Variants in MAP2K5 observed in about 807,000 individuals in gnomAD.
MAP2K5 encodes mitogen-activated protein kinase kinase 5, also known as dual specificity mitogen-activated protein kinase kinase 5.
A neutral mutation model predicts 83.1 loss-of-function variants in MAP2K5; 49 were observed. That is an observed-to-expected ratio of 0.59 (90% CI 0.47 to 0.75). The LOEUF is 0.75. Among genes scored for constraint, MAP2K5 ranks in the 30% least tolerant of loss-of-function variants. The pLI is 0.00. For synonymous variants in MAP2K5, 202 were observed against 191.8 expected (o/e 1.05, Z -0.44); for missense variants, 457 against 557.5 (o/e 0.82, Z 1.82).
At chr15:67,672,094 G>A (rs1043517755) in intron 13 of MAP2K5, among the ~76,000 whole-genome samples, 6 of 151,884 alleles carry the variant, frequency 4.0e-5, no homozygotes, top group African/African-American at 1.5e-4. Context: ...CCAAGTCTTT[G>A]CTATTGTGAA....
Position 67,552,368 on chromosome 15 carries a change from C to CTGG in MAP2K5, c.184+2286_184+2287insTGG, listed in dbSNP as rs766834411. 3.9e-5 allele frequency among the ~76,000 whole-genome samples: 6 copies of CTGG among 152,172 alleles called. No individual in the cohort carries two copies. The highest frequency in any genetic ancestry group is 8.8e-5 in the Non-Finnish European group (6 of 68,036). ...TAACATTCGGAGTACTTACTGTTGACAGATGCTTTGCTAAGAGCATTCCAT... is the reference window on the plus strand; with the variant it reads ...TAACATTCGGAGTACTTACTGTTGACTGGAGATGCTTTGCTAAGAGCATTCCAT... On this transcript the variant is annotated intron_variant, in intron 2 of 21. Transcript: ENST00000178640. This position sits in a 1 kb window ranked among gnomAD's most constrained non-coding sequence, Gnocchi z 4.2.
chr15:67,713,018 A>C (rs2088731552), intron 16 of MAP2K5, among the ~76,000 whole-genome samples: 1 of 152,228 alleles, frequency 6.6e-6, no homozygotes, highest in South Asian at 2.1e-4. Context: ...GAAAGAACAG[A>C]GGAAACAAAG....
At chr15:67,549,394 A>T (rs977714531) in intron 1 of MAP2K5, among the ~76,000 whole-genome samples, 7 of 152,202 alleles carry the variant, frequency 4.6e-5, no homozygotes, top group Non-Finnish European at 7.3e-5. Flanking sequence ...GTAAAGGTTG[A>T]TAAGAACTGT....
chr15:67,785,094 GAAC>G lies in MAP2K5; in HGVS notation c.1242+12347_1242+12349del, dbSNP rs2141323320. Among the ~76,000 whole-genome samples, 1 of 152,200 alleles carries G rather than the reference GAAC, an allele frequency of 6.6e-6. No homozygotes were observed. Among genetic ancestry groups the G allele is most frequent in the South Asian group, 2.1e-4 (1 of 4,814 alleles). ...TCCTTGAGTAGCTGAGACTACACAT[GAAC>G]AACACTATGGCTAATTTTTGTATTT... is the stretch of plus-strand genomic sequence containing the variant. On this transcript the variant is annotated intron_variant, in intron 21 of 21. Coordinates refer to ENST00000178640, the MANE Select transcript of MAP2K5 (RefSeq NM_145160.3). The surrounding 1 kb of genome is among the most constrained non-coding windows in gnomAD (Gnocchi z 4.4).
intron 12 of MAP2K5, among the ~76,000 whole-genome samples, chr15:67,663,800 A>G (rs1465493225): frequency 3.9e-5 from 6 of 152,166 alleles, no homozygotes; most frequent in Non-Finnish European, 8.8e-5. Context: ...GTTTGATCCC[A>G]GGAATTTGAG....
rs543694154 is a variant in MAP2K5, at chr15:67,547,408, C to A, written c.136-2626C>A. On this transcript the variant is annotated intron_variant, in intron 1 of 21. Coordinates refer to ENST00000178640, the MANE Select transcript of MAP2K5 (RefSeq NM_145160.3). ...TTATTGAAAGGAAGAAGAAAAGTAT[C>A]AAAAAATGGTCATCATCAAAATATG... Among the ~76,000 whole-genome samples the A allele has an allele frequency of 2.0e-4, 30 of 148,888 alleles. No individual in the cohort carries two copies. The South Asian group carries it at 6.2e-3, about 31-fold the overall frequency.
chr15:67,780,528 A>AG lies in MAP2K5; in HGVS notation c.1242+7777dup, dbSNP rs145418073. On this transcript the variant is annotated intron_variant, in intron 21 of 21. Coordinates refer to ENST00000178640, the MANE Select transcript of MAP2K5 (RefSeq NM_145160.3). The surrounding 1 kb of genome is among the most constrained non-coding windows in gnomAD (Gnocchi z 5.0). ...TAGACACTAAACAGATAGACAAACA[A>AG]GACATGTATCTGGTTCTCCAGGAAC... Among the ~76,000 whole-genome samples, 766 of 152,322 alleles carry AG rather than the reference A, an allele frequency of 5.0e-3. 4 individuals carry two copies. Among genetic ancestry groups the AG allele is most frequent in the Middle Eastern group, 6.8e-3 (2 of 294 alleles).
chr15:67,643,684 G>A (rs1159095710), intron 9 of MAP2K5, among the ~76,000 whole-genome samples: 3 of 152,084 alleles, frequency 2.0e-5, no homozygotes, highest in Non-Finnish European at 4.4e-5. Context: ...CTGACCTCGT[G>A]ATCTGCCCGC....
intron 9 of MAP2K5, chr15:67,641,719 AG>A: frequency 1.5e-6 from 1 of 673,972 alleles, no homozygotes; most frequent in South Asian, 6.5e-5. Context: ...AATTCTTTCC[AG>A]TTTGAAACAT....
chr15:67,552,338 A>G lies in MAP2K5; in HGVS notation c.184+2256A>G, dbSNP rs953385549. ...TTCCACGGGTTTCATGGACAGTCTGATAGTTAACATTCGGAGTACTTACTG... is the reference window on the plus strand; with the variant it reads ...TTCCACGGGTTTCATGGACAGTCTGGTAGTTAACATTCGGAGTACTTACTG... On this transcript the variant is annotated intron_variant, in intron 2 of 21. Coordinates refer to ENST00000178640, the MANE Select transcript of MAP2K5 (RefSeq NM_145160.3). This position sits in a 1 kb window ranked among gnomAD's most constrained non-coding sequence, Gnocchi z 4.2. Among the ~76,000 whole-genome samples the G allele has an allele frequency of 6.6e-6, 1 of 152,168 alleles. No homozygotes were observed.
At chr15:67,686,300 A>G (rs8043228) in intron 13 of MAP2K5, among the ~76,000 whole-genome samples, 1 of 151,990 alleles carries the variant, frequency 6.6e-6, no homozygotes, top group East Asian at 1.9e-4. Context: ...TAATCAGCAG[A>G]TTGTTTAAAG....
intron 12 of MAP2K5, chr15:67,659,023 G>T: frequency 4.0e-6 from 1 of 250,282 alleles, no homozygotes. Context: ...GAACAAAGTA[G>T]TATTAGTAAA....
At position 67,751,159 on chromosome 15, in the gene MAP2K5, G is replaced by C. The variant is rs942946189; in HGVS notation, c.1134+2558G>C. Reference sequence around the variant, plus strand: ...GAGGTGGAATCATGGAACAAAGCCAGAGTTAGCTACCAGATGTCCAAACAG... The same window carrying C: ...GAGGTGGAATCATGGAACAAAGCCACAGTTAGCTACCAGATGTCCAAACAG... On this transcript the variant is annotated intron_variant, in intron 19 of 21. Transcript: ENST00000178640. Among the ~76,000 whole-genome samples, 30 of 152,154 alleles carry C rather than the reference G, an allele frequency of 2.0e-4. 1 individual carries two copies. The highest frequency in any genetic ancestry group is 2.4e-5 in the African/African-American group (1 of 41,434).
At chr15:67,756,815 C>T (rs1226767859) in intron 19 of MAP2K5, among the ~76,000 whole-genome samples, 1 of 152,128 alleles carries the variant, frequency 6.6e-6, no homozygotes, top group African/African-American at 2.4e-5. Context: ...ACTTACTTCA[C>T]TTAGCATATT....
chr15:67,630,719 G>A (rs2086452872), intron 8 of MAP2K5, among the ~76,000 whole-genome samples, 169 bp from the exon 9 acceptor site: 1 of 152,208 alleles, frequency 6.6e-6, no homozygotes, highest in Non-Finnish European at 1.5e-5. Flanking sequence ...AAATCACTTT[G>A]TAAACCATTA....
chr15:67,641,287 T>A (rs1447404282), intron 9 of MAP2K5, among the ~76,000 whole-genome samples: 2 of 152,228 alleles, frequency 1.3e-5, no homozygotes, highest in Non-Finnish European at 2.9e-5. Flanking sequence ...AAATGGACCA[T>A]TTGATTAATC....
intron 12 of MAP2K5, among the ~76,000 whole-genome samples, chr15:67,663,777 A>T (rs1403098590): frequency 6.6e-6 from 1 of 152,146 alleles, no homozygotes; most frequent in Non-Finnish European, 1.5e-5. Context: ...CAGGAGGCTG[A>T]GGTGGGAGGA....
rs542101988 is a variant in MAP2K5, at chr15:67,769,276, C to T, written c.1135-326C>T. ...TCACAGCTCTTTGTTAATTACAAGACCATTTGTGTGTTACTTAAATAATCA... is the reference window on the plus strand; with the variant it reads ...TCACAGCTCTTTGTTAATTACAAGATCATTTGTGTGTTACTTAAATAATCA... On this transcript the variant is annotated intron_variant, in intron 19 of 21. Transcript: ENST00000178640. The surrounding 1 kb of genome is among the most constrained non-coding windows in gnomAD (Gnocchi z 5.2). Among the ~76,000 whole-genome samples the T allele has an allele frequency of 6.6e-6, 1 of 152,256 alleles. No individual in the cohort carries two copies. The highest frequency in any genetic ancestry group is 2.1e-4 in the South Asian group (1 of 4,818).
chr15:67,697,204 C>T (rs2088286622), intron 15 of MAP2K5, among the ~76,000 whole-genome samples: 1 of 152,090 alleles, frequency 6.6e-6, no homozygotes, highest in South Asian at 2.1e-4. Flanking sequence ...TTATGTATTT[C>T]CCTCACTTTA....
Sources: gnomAD v4.1 joint callset for allele counts (sites outside exome capture counted in the v4.1 genomes callset) on GRCh38, gnomAD v4.1.1 for gene constraint, Gnocchi (gnomAD v3.1) non-coding constraint, MANE v1.5 for transcripts, NCBI Gene and HGNC (gene_info 2026-07-23, HGNC 2026-07-21) for gene names.